Variants in SUMF1 observed in about 807,000 individuals in gnomAD.
SUMF1 encodes formylglycine-generating enzyme.
In SUMF1, 48 loss-of-function variants were observed where a neutral mutation model predicts 47.6. The observed-to-expected ratio is 1.01, with a 90% confidence interval of 0.80 to 1.28. The LOEUF (loss-of-function observed/expected upper bound fraction) is 1.28, where lower values mean the gene tolerates loss of function less well. Among genes scored for constraint, SUMF1 ranks in the 50% most tolerant of loss-of-function variants. The pLI, the probability that SUMF1 is intolerant of heterozygous loss-of-function variation, is 0.00. For missense variants in SUMF1, 571 were observed against 485.4 expected (o/e 1.18, Z -1.66); for synonymous variants, 230 against 192.1 (o/e 1.20, Z -1.63).
intron 6 of SUMF1, chr3:4,414,489 G>T (rs534226083): frequency 6.6e-6 from 1 of 152,198 alleles, no homozygotes; most frequent in Non-Finnish European, 1.5e-5. Context: ...GAGATACTAC[G>T]TGTAAACGAT....
intron 7 of SUMF1, among the ~76,000 whole-genome samples, chr3:4,387,491 T>A (rs980302684): frequency 6.6e-6 from 1 of 152,034 alleles, no homozygotes; most frequent in Non-Finnish European, 1.5e-5. Context: ...TTTTGCTTTG[T>A]CAGACTTGCT....
chr3:4,243,275 T>C (rs1018016239), intron 8 of SUMF1, among the ~76,000 whole-genome samples: 3 of 152,232 alleles, frequency 2.0e-5, no homozygotes, highest in Admixed American at 6.5e-5. Context: ...AGTTTTGCTC[T>C]GATCTTAGTT....
chr3:4,036,849 CAAAAAAAAAAAAAA>C (rs3048145), intron 9 of SUMF1, among the ~76,000 whole-genome samples: 2 of 75,144 alleles, frequency 2.7e-5, no homozygotes, highest in African/African-American at 1.2e-4. Flanking sequence ...GTCAGTGAGG[CAAAAAAAAAAAAAA>C]AAAAAAAAAA....
intron 6 of SUMF1, 144 bp from the exon 7 acceptor site, chr3:4,411,122 A>AT: frequency 1.3e-6 from 1 of 783,400 alleles, no homozygotes; most frequent in Admixed American, 2.1e-5. Flanking sequence ...TTTGACCAAC[A>AT]TAAAGACAAA....
chr3:4,074,680 A>G (rs1213912240), intron 8 of SUMF1, among the ~76,000 whole-genome samples: 1 of 152,130 alleles, frequency 6.6e-6, no homozygotes, highest in Non-Finnish European at 1.5e-5. Context: ...CCATGGAAAT[A>G]CAAACTACCA....
chr3:4,221,433 G>A (rs1696061932), intron 8 of SUMF1, among the ~76,000 whole-genome samples: 1 of 151,710 alleles, frequency 6.6e-6, no homozygotes, highest in South Asian at 2.1e-4. Flanking sequence ...GTGTGTGTGT[G>A]TGTGTGTGTG....
rs533331666 is a variant in SUMF1, at chr3:4,093,373, T to G, written c.1015-24628A>C. On this transcript the variant is annotated intron_variant and NMD_transcript_variant, in intron 8 of 12. Transcript: ENST00000448413. ...AAGTGCTGGCCACAAAAACTCTCAC[T>G]CTGAAGACCAACTGACAAATCAATA... 2.0e-5 allele frequency among the ~76,000 whole-genome samples: 3 copies of G among 152,168 alleles called. No individual in the cohort carries two copies. The East Asian group carries it at 5.8e-4, about 29-fold the overall frequency.
intron 8 of SUMF1, chr3:4,316,713 T>A: frequency 6.4e-7 from 1 of 1,550,952 alleles, no homozygotes; most frequent in Non-Finnish European, 8.7e-7. Flanking sequence ...CCGGCGACGA[T>A]CAGCTCAGTG....
At chr3:4,447,268 T>A (rs1702812725) in intron 3 of SUMF1, among the ~76,000 whole-genome samples, 1 of 152,172 alleles carries the variant, frequency 6.6e-6, no homozygotes, top group East Asian at 1.9e-4. Context: ...AATAATTACA[T>A]GAAAATAAAC....
intron 8 of SUMF1, among the ~76,000 whole-genome samples, chr3:4,095,019 T>A (rs1189300383): frequency 6.6e-6 from 1 of 151,908 alleles, no homozygotes; most frequent in Non-Finnish European, 1.5e-5. Context: ...AAGAGAAAAA[T>A]GAATATTGAA....
chr3:4,261,202 T>C (rs553925786), intron 8 of SUMF1, among the ~76,000 whole-genome samples: 1 of 152,302 alleles, frequency 6.6e-6, no homozygotes, highest in South Asian at 2.1e-4. Flanking sequence ...GACCTTGTGT[T>C]TGCTTTATGT....
intron 8 of SUMF1, among the ~76,000 whole-genome samples, chr3:4,239,469 C>T (rs1029629387): frequency 1.3e-5 from 2 of 152,160 alleles, no homozygotes; most frequent in African/African-American, 2.4e-5. Flanking sequence ...GTTTGCAGTT[C>T]TCCTCGAGGA....
intron 8 of SUMF1, among the ~76,000 whole-genome samples, chr3:4,332,935 C>T (rs959885501): frequency 6.6e-6 from 1 of 152,156 alleles, no homozygotes; most frequent in Non-Finnish European, 1.5e-5. Flanking sequence ...TAGAACAGTG[C>T]AGCAGAGAAG....
chr3:4,086,205 C>T (rs1295921856), intron 8 of SUMF1, among the ~76,000 whole-genome samples: 1 of 147,386 alleles, frequency 6.8e-6, no homozygotes, highest in East Asian at 2.0e-4. Context: ...TGTTTATACA[C>T]TTAGAATCAG....
chr3:4,226,516 C>T (rs1277815204), intron 8 of SUMF1, among the ~76,000 whole-genome samples: 1 of 151,986 alleles, frequency 6.6e-6, no homozygotes, highest in African/African-American at 2.4e-5. Context: ...GATTTGCCCA[C>T]CTCGGCCTAC....
chr3:4,410,726 A>C (rs1181924704), intron 7 of SUMF1, 139 bp downstream of exon 7: 4 of 775,832 alleles, frequency 5.2e-6, no homozygotes, highest in East Asian at 2.5e-5. Flanking sequence ...ACATGCGCTT[A>C]ATGTGCCTTT....
intron 8 of SUMF1, among the ~76,000 whole-genome samples, chr3:4,322,659 T>TAA (rs533846032): frequency 1.6e-5 from 2 of 127,588 alleles, no homozygotes; most frequent in Admixed American, 7.9e-5. Flanking sequence ...GACCTGCCTA[T>TAA]AAAAAAAAAA....
intron 8 of SUMF1, among the ~76,000 whole-genome samples, chr3:4,297,564 A>ATT (rs746612402): frequency 0.02 from 2,279 of 113,816 alleles, 104 homozygotes; most frequent in African/African-American, 0.048. Context: ...CTACACCTGA[A>ATT]TTTTTTTTTT....
intron 8 of SUMF1, among the ~76,000 whole-genome samples, chr3:4,169,013 GTAA>G (rs1164260731): frequency 6.6e-6 from 1 of 152,110 alleles, no homozygotes; most frequent in African/African-American, 2.4e-5. Flanking sequence ...TGCTGTACAA[GTAA>G]TAATATTTTT....
Sources: gnomAD v4.1 joint callset for allele counts (sites outside exome capture counted in the v4.1 genomes callset) on GRCh38, gnomAD v4.1.1 for gene constraint, MANE v1.5 for transcripts, NCBI Gene and HGNC (gene_info 2026-07-23, HGNC 2026-07-21) for gene names.